The following MBTD1 variants were observed in gnomAD, a reference collection of about 807,000 sequenced individuals.
The protein encoded by MBTD1 is mbt domain containing 1, also known as MBT domain-containing protein 1.
In MBTD1, 24 loss-of-function variants were observed where a neutral mutation model predicts 87.8. That is an observed-to-expected ratio of 0.27 (90% CI 0.20 to 0.38). MBTD1 has a LOEUF of 0.38. MBTD1 is among the 10% of genes least tolerant of loss of function. The probability of loss-of-function intolerance (pLI) is 1.00; values close to 1 mark genes in which losing one functional copy is unlikely to be tolerated. For missense variants in MBTD1, 436 were observed against 760.2 expected (o/e 0.57, Z 5.02); for synonymous variants, 237 against 248.6 (o/e 0.95, Z 0.44).
At chr17:51,245,335 T>A (rs981638026) in intron 2 of MBTD1, among the ~76,000 whole-genome samples, 19 of 152,244 alleles carry the variant, frequency 1.2e-4, no homozygotes, top group African/African-American at 4.6e-4. Context: ...TCTGTATGTA[T>A]GGAAAATTGT....
At chr17:51,247,024 T>C (rs181302064) in intron 2 of MBTD1, among the ~76,000 whole-genome samples, 6 of 152,338 alleles carry the variant, frequency 3.9e-5, no homozygotes, top group African/African-American at 1.4e-4. Context: ...TACTCTATTC[T>C]TGATTGTGGT....
chr17:51,259,181 G>A lies in MBTD1; in HGVS notation c.-87C>T. 2.8e-6 allele frequency: 3 copies of A among 1,063,158 alleles called. No individual in the cohort carries two copies. The highest frequency in any genetic ancestry group is 1.6e-5 in the African/African-American group (1 of 61,182). 65.9% of individuals were successfully genotyped at this position (1,063,158 alleles called of 1,614,324 possible). ...GGCTGCAGAGGGGACGGCTGCTTTG[G>A]ATGACCTCTAATGTCTCTTCCGACT... On this transcript the variant is annotated 5_prime_UTR_variant, in exon 2 of 17. Coordinates refer to ENST00000586178, the MANE Select transcript of MBTD1 (RefSeq NM_017643.3).
At chr17:51,196,225 CTTTTTTTTT>C (rs770871296) in intron 12 of MBTD1, among the ~76,000 whole-genome samples, 1 of 134,650 alleles carries the variant, frequency 7.4e-6, no homozygotes, top group Non-Finnish European at 1.6e-5. Context: ...CCCACCCTGC[CTTTTTTTTT>C]TTTTTTTTGA....
chr17:51,228,622 A>T (rs1343243636), intron 2 of MBTD1, among the ~76,000 whole-genome samples: 1 of 137,936 alleles, frequency 7.2e-6, no homozygotes, highest in African/African-American at 2.7e-5. Flanking sequence ...AAAAAAAAAA[A>T]TTGGGAGGCT....
At chr17:51,260,512 G>GGCC, upstream of MBTD1, 3 of 1,476,646 alleles carry the variant, frequency 2.0e-6, no homozygotes, top group Non-Finnish European at 2.7e-6. Flanking sequence ...CGGCGGCGGC[G>GGCC]GCCCGCGAGG....
intron 8 of MBTD1, 34 bp from the exon 9 acceptor site, chr17:51,203,262 C>A: frequency 9.9e-7 from 1 of 1,010,750 alleles, no homozygotes. Context: ...TATACTTTAG[C>A]AAAAAAGAAC....
Position 51,193,345 on chromosome 17 carries a change from G to A in MBTD1, c.1455+83C>T, listed in dbSNP as rs547434711. The A allele has an allele frequency of 8.7e-6, 8 of 917,498 alleles. No homozygotes were observed. In the South Asian group the frequency reaches 1.1e-4, roughly 13 times the overall value. 56.8% of individuals were successfully genotyped at this position (917,498 alleles called of 1,614,324 possible). On this transcript the variant is annotated intron_variant, in intron 14 of 16. Transcript: ENST00000586178. ...TCTCCACTAAGAAATTCTAATACAA[G>A]GCAAAGACATTTTTATGAACATAAA...
rs562961800 is a variant in MBTD1, at chr17:51,195,115, G to A, written c.1372+99C>T. 1.0e-3 allele frequency: 1,069 copies of A among 1,024,254 alleles called. 7 individuals carry two copies. The highest frequency in any genetic ancestry group is 8.3e-3 in the South Asian group (499 of 59,790). The allele number at this position is 1,024,254 out of a possible 1,614,324, so 63.4% of individuals were successfully genotyped here. On this transcript the variant is annotated intron_variant, in intron 13 of 16. Coordinates refer to ENST00000586178, the MANE Select transcript of MBTD1 (RefSeq NM_017643.3). ...ATGTTTATCCACACACATTATATAC[G>A]TACTCAGGAAATCTAGGGCTGTGTT... is the stretch of plus-strand genomic sequence containing the variant.
intron 6 of MBTD1, among the ~76,000 whole-genome samples, chr17:51,216,877 C>T (rs988762294): frequency 3.9e-5 from 6 of 152,040 alleles, no homozygotes; most frequent in African/African-American, 9.7e-5. Context: ...CCACTGTGCC[C>T]GGACAAAGCT....
chr17:51,192,961 A>T lies in MBTD1; in HGVS notation c.1511T>A (p.Met504Lys). The change falls in exon 15 of 17, where the codon ATG (methionine) becomes AAG (lysine). Residue 504 changes from methionine (M) to lysine (K), a missense_variant. This residue lies in a region of MBTD1 where 80 missense variants were observed against 182.2 expected (regional missense o/e 0.44). Coordinates refer to ENST00000586178, the MANE Select transcript of MBTD1 (RefSeq NM_017643.3). ...VGMKLEAVDL[M>K]EPRLICVATV... Reference sequence around the variant, plus strand: ...GGCTACACATATTAAACGTGGCTCCATGAGATCTACTGCTTCTAATTTCAT... The same window carrying T: ...GGCTACACATATTAAACGTGGCTCCTTGAGATCTACTGCTTCTAATTTCAT... 6.2e-7 allele frequency: 1 copy of T among 1,614,164 alleles called. No homozygotes were observed. Among genetic ancestry groups the T allele is most frequent in the South Asian group, 1.1e-5 (1 of 91,086 alleles).
intron 10 of MBTD1, among the ~76,000 whole-genome samples, chr17:51,202,462 G>C (rs1257528339): frequency 1.3e-5 from 2 of 152,164 alleles, no homozygotes; most frequent in African/African-American, 4.8e-5. Flanking sequence ...ATAAAAGAAA[G>C]AAACAATTAT....
At position 51,211,150 on chromosome 17, in the gene MBTD1, AAAAAAAAAAAAAGG is replaced by A. The variant is rs1401900054; in HGVS notation, c.487-4159_487-4146del. Reference sequence around the variant, plus strand: ...AGACTACATCTCATAAAAAAAAAAGAAAAAAAAAAAAAGGAAAAAAAAATTTAAGTTAGGCTTTC... The same window carrying A: ...AGACTACATCTCATAAAAAAAAAAGAAAAAAAAAATTTAAGTTAGGCTTTC... On this transcript the variant is annotated intron_variant, in intron 6 of 16. Transcript: ENST00000586178. Among the ~76,000 whole-genome samples the A allele has an allele frequency of 4.0e-3, 143 of 35,346 alleles. No homozygotes were observed. In the East Asian group the frequency reaches 0.065, roughly 16 times the overall value. 23.2% of individuals were successfully genotyped at this position (35,346 alleles called of 152,430 possible). A position where few individuals can be genotyped will look rare whatever the true frequency, so the allele number is the denominator to read the frequency against.
rs2051035178 is a variant in MBTD1 at position 51,195,304 on chromosome 17, A to G, written c.1282T>C (p.Ser428Pro). The change falls in exon 13 of 17, where the codon TCT becomes CCT. Residue 428 changes from serine to proline, a missense_variant. Ser to Pro is a moderately conservative substitution (Grantham distance 74, BLOSUM62 -1). Coordinates refer to ENST00000586178, the MANE Select transcript of MBTD1 (RefSeq NM_017643.3). ...GTTGCATGGTAACAGAACCAGTCAG[A>G]TCCGTCTGCTGCTTCTGAGCCATCG... ...GIDGSEAADGSDWFCYHATSP... is the reference protein window; with the variant it reads ...GIDGSEAADGPDWFCYHATSP... The G allele has an allele frequency of 6.2e-7, 1 of 1,612,758 alleles. No homozygotes were observed. Among genetic ancestry groups the G allele is most frequent in the Non-Finnish European group, 8.5e-7 (1 of 1,179,282 alleles).
upstream of MBTD1, chr17:51,260,620 C>G (rs780529427): frequency 6.2e-7 from 1 of 1,612,654 alleles, no homozygotes; most frequent in South Asian, 1.1e-5. Context: ...TGAAACTGGA[C>G]CGGAGAACCG....
At chr17:51,229,983 T>C (rs941720160) in intron 2 of MBTD1, among the ~76,000 whole-genome samples, 2 of 152,192 alleles carry the variant, frequency 1.3e-5, no homozygotes, top group Non-Finnish European at 2.9e-5. Context: ...TACTGCCTTT[T>C]AGATACAATT....
chr17:51,256,721 A>G (rs1434366314), intron 2 of MBTD1: 4 of 152,214 alleles, frequency 2.6e-5, no homozygotes, highest in Non-Finnish European at 5.9e-5. Context: ...GTGCTCAACA[A>G]CCACATGTGG....
At chr17:51,237,309 A>G (rs2053903717) in intron 2 of MBTD1, among the ~76,000 whole-genome samples, 1 of 151,652 alleles carries the variant, frequency 6.6e-6, no homozygotes. Context: ...AAAAAAAAAA[A>G]AAAAAAGAAA....
At chr17:51,244,969 C>T (rs1159446676) in intron 2 of MBTD1, among the ~76,000 whole-genome samples, 2 of 151,994 alleles carry the variant, frequency 1.3e-5, no homozygotes. Context: ...GGCATGATCT[C>T]GGCTCACTGC....
chr17:51,221,891 C>T (rs2052917382), intron 3 of MBTD1, among the ~76,000 whole-genome samples: 1 of 152,010 alleles, frequency 6.6e-6, no homozygotes, highest in African/African-American at 2.4e-5. Context: ...CCCATGGATA[C>T]CAGGGGACAA....
Sources: gnomAD v4.1 joint callset for allele counts (sites outside exome capture counted in the v4.1 genomes callset) on GRCh38, gnomAD v4.1.1 for gene constraint, gnomAD v4.1.1 regional missense constraint, MANE v1.5 for transcripts, NCBI Gene and HGNC (gene_info 2026-07-23, HGNC 2026-07-21) for gene names.